The following LINGO2 variants were observed in gnomAD, a reference collection of about 807,000 sequenced individuals.
LINGO2 encodes leucine rich repeat and Ig domain containing 2.
LINGO2 carries 14 observed loss-of-function variants against 30.6 expected under a neutral mutation model. That is an observed-to-expected ratio of 0.46 (90% CI 0.30 to 0.72). The LOEUF is 0.72. Among genes scored for constraint, LINGO2 ranks in the 30% least tolerant of loss-of-function variants. The probability of loss-of-function intolerance (pLI) is 0.07; values close to 1 mark genes in which losing one functional copy is unlikely to be tolerated. For missense variants in LINGO2, 729 were observed against 751.7 expected, an observed-to-expected ratio of 0.97 and a Z score of 0.35; for synonymous variants, 317 against 288.5, an observed-to-expected ratio of 1.10 and a Z score of -1.00.
At chr9:28,732,113 G>A in the LINGO2 span, among the ~76,000 whole-genome samples, 1 of 151,988 alleles carries the variant, frequency 6.6e-6, no homozygotes. Flanking sequence ...TATTTTCAGG[G>A]AGCCAAGGAA....
In LINGO2 at chr9:28,173,964, A is replaced by G. The variant is rs1452345; in HGVS notation, c.-87+121244T>C. On this transcript the variant is annotated intron_variant, in intron 4 of 5. Transcript: ENST00000379992. ...GTATTCTTTATAGTCCACCAAGCTC[A>G]GTGAGGTTATATCCAAACTGAAAAA... Among the ~76,000 whole-genome samples the G allele has an allele frequency of 6.1e-3, 932 of 152,278 alleles. 11 individuals carry two copies. Among genetic ancestry groups the G allele is most frequent in the African/African-American group, 0.021 (864 of 41,574 alleles).
At chr9:28,542,282 A>C (rs1281377500) in intron 1 of LINGO2, among the ~76,000 whole-genome samples, 3 of 151,548 alleles carry the variant, frequency 2.0e-5, no homozygotes, top group Non-Finnish European at 4.4e-5. Context: ...TGAAAAAAAA[A>C]CAGGCAGCTG....
intron 4 of LINGO2, among the ~76,000 whole-genome samples, chr9:28,192,217 A>C (rs1273814948): frequency 6.6e-6 from 1 of 152,134 alleles, no homozygotes; most frequent in Non-Finnish European, 1.5e-5. Context: ...ACATATTTAC[A>C]TACATACATG....
rs117192703 is a variant in LINGO2, at chr9:28,587,577, G to A, written c.-365+82623C>T. Reference sequence around the variant, plus strand: ...GTAGGACACCCAGGGCTTAGTATGCGATGGGTATGATAAAGCAGAATCCTT... The same window carrying A: ...GTAGGACACCCAGGGCTTAGTATGCAATGGGTATGATAAAGCAGAATCCTT... On this transcript the variant is annotated intron_variant, in intron 1 of 5. Transcript: ENST00000379992. 9.5e-3 allele frequency among the ~76,000 whole-genome samples: 1,440 copies of A among 151,932 alleles called. 18 individuals carry two copies. Among genetic ancestry groups the A allele is most frequent in the South Asian group, 0.018 (89 of 4,816 alleles).
chr9:28,247,242 A>G, intron 4 of LINGO2, among the ~76,000 whole-genome samples: 1 of 152,204 alleles, frequency 6.6e-6, no homozygotes, highest in East Asian at 1.9e-4. Context: ...CAGCAATCCC[A>G]TTACTGGGTA....
At chr9:28,796,947 G>T in the LINGO2 span, among the ~76,000 whole-genome samples, 1 of 151,664 alleles carries the variant, frequency 6.6e-6, no homozygotes, top group Non-Finnish European at 1.5e-5. Context: ...GCATGTGAGT[G>T]TATGTGTATG....
intron 1 of LINGO2, among the ~76,000 whole-genome samples, chr9:28,667,178 T>C (rs1828837196): frequency 6.6e-6 from 1 of 152,182 alleles, no homozygotes; most frequent in East Asian, 1.9e-4. Context: ...TAGTCAATTA[T>C]TCATGTAACA....
chr9:28,263,881 T>G (rs1822652951), intron 4 of LINGO2, among the ~76,000 whole-genome samples: 1 of 151,994 alleles, frequency 6.6e-6, no homozygotes, highest in Admixed American at 6.6e-5. Context: ...TTTATAGGCA[T>G]TTTCAGTATG....
At chr9:27,994,444 G>C (rs553426991) in intron 5 of LINGO2, among the ~76,000 whole-genome samples, 102 of 152,228 alleles carry the variant, frequency 6.7e-4, no homozygotes, top group African/African-American at 2.4e-3. Context: ...CAGATAGGTA[G>C]ACATGAGCAG....
At chr9:28,260,074 G>A (rs1275601799) in intron 4 of LINGO2, among the ~76,000 whole-genome samples, 2 of 151,826 alleles carry the variant, frequency 1.3e-5, no homozygotes, top group East Asian at 2.0e-4. Flanking sequence ...GGGCTCATCT[G>A]TACTGAGATG....
intron 1 of LINGO2, among the ~76,000 whole-genome samples, chr9:28,560,095 A>AAG: frequency 6.6e-6 from 1 of 151,620 alleles, no homozygotes; most frequent in East Asian, 1.9e-4. Context: ...AAAAAAAAAA[A>AAG]AAGAAAAATG....
chr9:28,745,396 TG>T, the LINGO2 span, among the ~76,000 whole-genome samples: 1 of 152,026 alleles, frequency 6.6e-6, no homozygotes, highest in African/African-American at 2.4e-5. Context: ...TCTCATAATA[TG>T]GGGTTGGGGT....
intron 4 of LINGO2, among the ~76,000 whole-genome samples, chr9:28,018,310 T>C (rs1822942715): frequency 6.6e-6 from 1 of 152,114 alleles, no homozygotes; most frequent in South Asian, 2.1e-4. Flanking sequence ...AAAGATTTCA[T>C]GATGAAGATG....
At chr9:28,908,941 C>A in the LINGO2 span, among the ~76,000 whole-genome samples, 1 of 151,742 alleles carries the variant, frequency 6.6e-6, no homozygotes, top group African/African-American at 2.4e-5. Context: ...ATGTTTTATT[C>A]TTCACTGTCT....
chr9:29,074,163 T>A, the LINGO2 span, among the ~76,000 whole-genome samples: 1 of 152,140 alleles, frequency 6.6e-6, no homozygotes, highest in African/African-American at 2.4e-5. Context: ...CATGCATAAA[T>A]CTGGGAATAA....
chr9:29,079,069 T>C, the LINGO2 span, among the ~76,000 whole-genome samples: 1 of 151,916 alleles, frequency 6.6e-6, no homozygotes, highest in African/African-American at 2.4e-5. Context: ...ACTTTCATCA[T>C]CCAACTAATA....
the LINGO2 span, among the ~76,000 whole-genome samples, chr9:28,880,936 G>T: frequency 6.6e-6 from 1 of 152,042 alleles, no homozygotes; most frequent in Non-Finnish European, 1.5e-5. Flanking sequence ...ACTTAATTAT[G>T]ACATAGATTC....
At chr9:28,512,597 A>G (rs1162059476) in intron 1 of LINGO2, among the ~76,000 whole-genome samples, 266 of 2,352 alleles carry the variant, frequency 0.11, 23 homozygotes, top group African/African-American at 0.16. Flanking sequence ...ATGTGTGTAT[A>G]TATATATATA....
chr9:28,992,520 G>A, the LINGO2 span, among the ~76,000 whole-genome samples: 12 of 151,888 alleles, frequency 7.9e-5, no homozygotes, highest in African/African-American at 2.4e-4. Context: ...AGACCTAATA[G>A]ATATGTACAG....
Sources: gnomAD v4.1 joint callset for allele counts (sites outside exome capture counted in the v4.1 genomes callset) on GRCh38, gnomAD v4.1.1 for gene constraint, MANE v1.5 for transcripts, NCBI Gene and HGNC (gene_info 2026-07-23, HGNC 2026-07-21) for gene names.